INTS7: variants seen among roughly 807,000 people sequenced by gnomAD.
The protein encoded by INTS7 is integrator complex subunit 7.
Under a neutral mutation model 109.2 loss-of-function variants are expected in INTS7, and 46 were observed. The observed-to-expected ratio is 0.42, with a 90% confidence interval of 0.33 to 0.54. The LOEUF (loss-of-function observed/expected upper bound fraction) is 0.54. INTS7 is among the 20% of genes least tolerant of loss of function. The pLI, the probability that INTS7 is intolerant of heterozygous loss-of-function variation, is 0.07. For missense variants in INTS7, 929 were observed against 1,132.4 expected (o/e 0.82, Z 2.58); for synonymous variants, 412 against 402.9 (o/e 1.02, Z -0.27).
chr1:211,964,450 C>T (rs1002772524), intron 16 of INTS7, among the ~76,000 whole-genome samples: 3 of 152,160 alleles, frequency 2.0e-5, no homozygotes, highest in Admixed American at 6.5e-5. Flanking sequence ...CGACATTCTT[C>T]GCAGAATTAG....
intron 8 of INTS7, among the ~76,000 whole-genome samples, chr1:211,983,831 T>C (rs1664769052): frequency 6.8e-6 from 1 of 148,112 alleles, no homozygotes; most frequent in Admixed American, 6.9e-5. Flanking sequence ...TCAGTGTTTT[T>C]TGGGTTTTTG....
At chr1:211,957,117 T>C (rs1237620798) in intron 16 of INTS7, among the ~76,000 whole-genome samples, 1 of 152,236 alleles carries the variant, frequency 6.6e-6, no homozygotes, top group East Asian at 1.9e-4. Flanking sequence ...ATCTTATCTG[T>C]TCTAGTGGGA....
At chr1:212,009,193 A>G (rs1666060481) in intron 5 of INTS7, among the ~76,000 whole-genome samples, 1 of 152,160 alleles carries the variant, frequency 6.6e-6, no homozygotes, top group Admixed American at 6.5e-5. Flanking sequence ...TCCTCCACCC[A>G]CACTCCTATG....
rs201458058 is a variant in INTS7 at position 211,968,709 on chromosome 1, TG to T, written c.1816-3del. ...AGGATTCAGTGGTGTACTAGCTGCC[TG>T]GGAAAAAAAAAAAAAAGAGATATTT... On this transcript the variant is annotated splice_polypyrimidine_tract_variant and splice_region_variant and intron_variant, in intron 13 of 19. Transcript: ENST00000366994. The T allele has an allele frequency of 1.3e-6, 2 of 1,494,404 alleles. No individual in the cohort carries two copies. The highest frequency in any genetic ancestry group is 1.8e-6 in the Non-Finnish European group (2 of 1,115,348). The allele number at this position is 1,494,404 out of a possible 1,614,324, so 92.6% of individuals were successfully genotyped here.
intron 4 of INTS7, among the ~76,000 whole-genome samples, chr1:212,012,234 GAA>G (rs1309993530): frequency 6.6e-6 from 1 of 151,758 alleles, no homozygotes; most frequent in Non-Finnish European, 1.5e-5. Flanking sequence ...TAGCAATTTA[GAA>G]TAAAACAAAT....
chr1:211,962,171 G>C (rs1248683336), intron 16 of INTS7, among the ~76,000 whole-genome samples: 2 of 139,334 alleles, frequency 1.4e-5, no homozygotes, highest in African/African-American at 5.4e-5. Flanking sequence ...TAAAGAGATA[G>C]AGAAAAACCT....
chr1:211,979,637 C>G (rs1294297296), intron 10 of INTS7, among the ~76,000 whole-genome samples: 1 of 152,218 alleles, frequency 6.6e-6, no homozygotes, highest in African/African-American at 2.4e-5. Flanking sequence ...TTGATATCCT[C>G]TATGACTGAA....
intron 16 of INTS7, among the ~76,000 whole-genome samples, chr1:211,965,499 T>C (rs962608534): frequency 3.9e-5 from 6 of 152,312 alleles, no homozygotes; most frequent in East Asian, 3.9e-4. Context: ...CAGGCACACA[T>C]ATGTTCACTG....
In INTS7 at chr1:211,942,227, T is replaced by C; in HGVS notation, c.2602-116A>G. The C allele has an allele frequency of 9.2e-7, 1 of 1,085,482 alleles. No homozygotes were observed. The highest frequency in any genetic ancestry group is 1.3e-6 in the Non-Finnish European group (1 of 747,196). The allele number at this position is 1,085,482 out of a possible 1,614,324, so 67.2% of individuals were successfully genotyped here. ...ACCATGCAGACAATAAAAAATTAGG[T>C]ACTGCTATCATCCTTGCTTCACCGA... On this transcript the variant is annotated intron_variant, in intron 19 of 19. Coordinates refer to ENST00000366994, the MANE Select transcript of INTS7 (RefSeq NM_015434.4). This position sits in a 1 kb window ranked among gnomAD's most constrained non-coding sequence, Gnocchi z 4.2.
At chr1:211,973,290 T>C (rs1252555678) in intron 13 of INTS7, among the ~76,000 whole-genome samples, 1 of 152,190 alleles carries the variant, frequency 6.6e-6, no homozygotes, top group Non-Finnish European at 1.5e-5. Context: ...AAATAATAAA[T>C]AGGTATTGTT....
At chr1:212,018,547 C>T (rs996029091) in intron 3 of INTS7, among the ~76,000 whole-genome samples, 6 of 149,348 alleles carry the variant, frequency 4.0e-5, no homozygotes, top group African/African-American at 1.5e-4. Context: ...CAAACATTAC[C>T]AAAAAAAGCC....
chr1:211,959,986 G>A lies in INTS7; in HGVS notation c.2183+6444C>T, dbSNP rs558049382. Among the ~76,000 whole-genome samples, 1 of 152,332 alleles carries A rather than the reference G, an allele frequency of 6.6e-6. No homozygotes were observed. The highest frequency in any genetic ancestry group is 2.1e-4 in the South Asian group (1 of 4,824). On this transcript the variant is annotated intron_variant, in intron 16 of 19. Transcript: ENST00000366994. The surrounding 1 kb of genome is among the most constrained non-coding windows in gnomAD (Gnocchi z 4.2). ...ATCCCGTTATGCTGCTGTTGCTGCTGCTGGTATGTGCAACTGAGGATGGAT... is the reference window on the plus strand; with the variant it reads ...ATCCCGTTATGCTGCTGTTGCTGCTACTGGTATGTGCAACTGAGGATGGAT...
At position 211,987,927 on chromosome 1, in the gene INTS7, G is replaced by A; in HGVS notation, c.956C>T (p.Ser319Leu). The stretch of plus-strand genomic sequence containing the variant: ...GTAATGTTTGATGGCGATGGTCCCT[G>A]ATAGTGTGGAAAGGACAGACAACAT... ...LGMLSVLSTL[S>L]GTIAIKHYFS... Residue 319 changes from serine (S) to leucine (L), a missense_variant, in exon 8 of 20, where the codon TCA becomes TTA. Transcript: ENST00000366994. 1 of 1,611,732 alleles carries A rather than the reference G, an allele frequency of 6.2e-7. No homozygotes were observed. The highest frequency in any genetic ancestry group is 2.2e-5 in the East Asian group (1 of 44,842).
At chr1:211,969,006 C>T (rs1664036393) in intron 13 of INTS7, among the ~76,000 whole-genome samples, 1 of 152,108 alleles carries the variant, frequency 6.6e-6, no homozygotes, top group Non-Finnish European at 1.5e-5. Context: ...TAATCACGGC[C>T]AGGTGCGGTG....
At chr1:211,973,238 G>A (rs1317387397) in intron 13 of INTS7, among the ~76,000 whole-genome samples, 4 of 152,090 alleles carry the variant, frequency 2.6e-5, no homozygotes, top group African/African-American at 9.7e-5. Context: ...GAGCCCCCAC[G>A]CCTGGCCTAT....
intron 7 of INTS7, among the ~76,000 whole-genome samples, chr1:211,993,285 G>C (rs1474701544): frequency 6.6e-6 from 1 of 152,206 alleles, no homozygotes; most frequent in Non-Finnish European, 1.5e-5. Context: ...GCTCTCAGAA[G>C]AGATAATGCT....
At chr1:212,024,098 T>TG (rs1202794661) in intron 1 of INTS7, among the ~76,000 whole-genome samples, 1 of 152,234 alleles carries the variant, frequency 6.6e-6, no homozygotes, top group African/African-American at 2.4e-5. Flanking sequence ...CATGCTGTTT[T>TG]GGTTACTGTG....
At chr1:212,014,541 TCCTCTCCCTCCCCCTCCC>T (rs1666316253) in intron 4 of INTS7, among the ~76,000 whole-genome samples, 1 of 148,412 alleles carries the variant, frequency 6.7e-6, no homozygotes, top group Non-Finnish European at 1.5e-5. Context: ...AAAAAATTTA[TCCTCTCCCTCCCCCTCCC>T]CCTCCCCCTC....
At chr1:212,001,531 G>A (rs573507807) in intron 7 of INTS7, among the ~76,000 whole-genome samples, 1 of 152,274 alleles carries the variant, frequency 6.6e-6, no homozygotes, top group East Asian at 1.9e-4. Flanking sequence ...GGTATTATAA[G>A]TAATCTAGAG....
Sources: gnomAD v4.1 joint callset for allele counts (sites outside exome capture counted in the v4.1 genomes callset) on GRCh38, gnomAD v4.1.1 for gene constraint, Gnocchi (gnomAD v3.1) non-coding constraint, MANE v1.5 for transcripts, NCBI Gene and HGNC (gene_info 2026-07-23, HGNC 2026-07-21) for gene names.